Variants in ABCD3 observed in about 807,000 individuals in gnomAD.
The protein encoded by ABCD3 is ATP-binding cassette sub-family D member 3.
ABCD3 carries 41 observed loss-of-function variants against 105.5 expected under a neutral mutation model. The observed-to-expected ratio is 0.39, with a 90% CI of 0.30 to 0.50. ABCD3 has a LOEUF of 0.50. ABCD3 is among the 20% of genes least tolerant of loss of function. ABCD3 has a pLI of 0.84. For synonymous variants in ABCD3, 258 were observed against 269.0 expected (o/e 0.96, Z 0.40); for missense variants, 622 against 806.3 (o/e 0.77, Z 2.77).
intron 1 of ABCD3, among the ~76,000 whole-genome samples, chr1:94,457,202 ATTGT>A (rs888101924): frequency 2.0e-5 from 3 of 152,162 alleles, no homozygotes; most frequent in African/African-American, 7.2e-5. Context: ...TCTTCACTGC[ATTGT>A]TTTGTCGTGC....
intron 1 of ABCD3, among the ~76,000 whole-genome samples, chr1:94,451,442 G>A (rs1647254112): frequency 2.0e-5 from 3 of 152,052 alleles, no homozygotes; most frequent in Admixed American, 2.0e-4. Context: ...TGTCAGTCAG[G>A]GAACAACTTA....
chr1:94,506,983 T>C (rs1353899274), intron 21 of ABCD3, among the ~76,000 whole-genome samples: 4 of 151,848 alleles, frequency 2.6e-5, no homozygotes, highest in Non-Finnish European at 4.4e-5. Flanking sequence ...ATTTATTTAT[T>C]TATTTTTTAA....
At chr1:94,426,214 G>C (rs1659463992) in intron 1 of ABCD3, among the ~76,000 whole-genome samples, 1 of 152,126 alleles carries the variant, frequency 6.6e-6, no homozygotes, top group Non-Finnish European at 1.5e-5. Flanking sequence ...TTCAGAGTTG[G>C]AAAGTATCTT....
chr1:94,445,819 G>A (rs1462655890), intron 1 of ABCD3, among the ~76,000 whole-genome samples: 2 of 152,134 alleles, frequency 1.3e-5, no homozygotes, highest in Admixed American at 6.5e-5. Flanking sequence ...ATAGCGTTGC[G>A]GTTATTAGCT....
intron 1 of ABCD3, among the ~76,000 whole-genome samples, chr1:94,434,418 CAT>C (rs1299638159): frequency 6.6e-6 from 1 of 152,006 alleles, no homozygotes; most frequent in Non-Finnish European, 1.5e-5. Context: ...AAACAAGTAA[CAT>C]AGTCATTTAT....
intron 20 of ABCD3, among the ~76,000 whole-genome samples, chr1:94,500,758 A>G (rs1248889946): frequency 6.6e-6 from 1 of 152,138 alleles, no homozygotes; most frequent in African/African-American, 2.4e-5. Context: ...ACATGAGGTT[A>G]ATATTAACCT....
intron 3 of ABCD3, among the ~76,000 whole-genome samples, chr1:94,466,780 A>G (rs186348231): frequency 1.1e-4 from 16 of 152,284 alleles, no homozygotes; most frequent in Middle Eastern, 3.4e-3. Flanking sequence ...CATTTTAACT[A>G]TTGCAGGGGT....
intron 1 of ABCD3, among the ~76,000 whole-genome samples, chr1:94,437,151 G>C (rs1659938088): frequency 6.6e-6 from 1 of 152,236 alleles, no homozygotes; most frequent in Non-Finnish European, 1.5e-5. Context: ...GCTACAGCAA[G>C]TTATCCAGAA....
intron 16 of ABCD3, among the ~76,000 whole-genome samples, chr1:94,491,698 C>T (rs1649543702): frequency 6.6e-6 from 1 of 152,054 alleles, no homozygotes. Flanking sequence ...TACAAATAGA[C>T]ACTCACCTAA....
chr1:94,462,343 C>T (rs531435544), intron 2 of ABCD3, among the ~76,000 whole-genome samples: 42 of 152,230 alleles, frequency 2.8e-4, no homozygotes, highest in Middle Eastern at 3.4e-3. Flanking sequence ...ATATTATGTA[C>T]TGCCTCTATA....
At chr1:94,511,946 C>T (rs1415661267) in intron 21 of ABCD3, among the ~76,000 whole-genome samples, 3 of 152,036 alleles carry the variant, frequency 2.0e-5, no homozygotes, top group Non-Finnish European at 2.9e-5. Context: ...AATTTCCTCC[C>T]GTAGCTCGGA....
At chr1:94,428,571 G>A (rs1270568777) in intron 1 of ABCD3, among the ~76,000 whole-genome samples, 1 of 152,134 alleles carries the variant, frequency 6.6e-6, no homozygotes, top group African/African-American at 2.4e-5. Context: ...CTGGTGGGAG[G>A]TAATTGAATC....
intron 4 of ABCD3, among the ~76,000 whole-genome samples, chr1:94,472,633 C>G (rs766296587): frequency 6.6e-6 from 1 of 152,082 alleles, no homozygotes; most frequent in Admixed American, 6.6e-5. Flanking sequence ...ACATACTATA[C>G]ATTAAAAGCT....
chr1:94,416,779 G>A (rs1302201987), upstream of ABCD3, among the ~76,000 whole-genome samples: 1 of 152,080 alleles, frequency 6.6e-6, no homozygotes, highest in East Asian at 1.9e-4. Flanking sequence ...GAAATTATCT[G>A]ACCTGCCTTG....
At chr1:94,404,565 G>A in the ABCD3 span, among the ~76,000 whole-genome samples, 6 of 152,064 alleles carry the variant, frequency 3.9e-5, no homozygotes, top group South Asian at 2.1e-4. Flanking sequence ...TATGTAGAAT[G>A]TAATCATGCT....
At chr1:94,484,701 A>G (rs1316528981) in intron 10 of ABCD3, among the ~76,000 whole-genome samples, 1 of 152,148 alleles carries the variant, frequency 6.6e-6, no homozygotes, top group African/African-American at 2.4e-5. Context: ...CGACTTAATG[A>G]GTGCAGCACA....
chr1:94,480,278 T>G (rs1439142175), intron 8 of ABCD3, 186 bp from the exon 9 acceptor site: 1 of 643,708 alleles, frequency 1.6e-6, no homozygotes, highest in Non-Finnish European at 2.7e-6. Context: ...GAAAAGCCCA[T>G]GAGTAGTAAA....
chr1:94,441,397 A>C (rs1660129424), intron 1 of ABCD3, among the ~76,000 whole-genome samples: 1 of 152,232 alleles, frequency 6.6e-6, no homozygotes, highest in Non-Finnish European at 1.5e-5. Context: ...ACTCTCTTAA[A>C]ATCCTAGTGG....
At chr1:94,516,027 C>CT (rs965168413) in intron 22 of ABCD3, among the ~76,000 whole-genome samples, 1 of 151,768 alleles carries the variant, frequency 6.6e-6, no homozygotes, top group African/African-American at 2.4e-5. Context: ...GATTAAGGAC[C>CT]TTTTTTTGCC....
Sources: allele counts gnomAD v4.1 joint callset (sites outside exome capture counted in the v4.1 genomes callset), GRCh38; gene constraint gnomAD v4.1.1; transcripts MANE v1.5; gene names NCBI Gene and HGNC (gene_info 2026-07-23, HGNC 2026-07-21).